Variants in NHSL1 observed in about 807,000 individuals in gnomAD.
NHSL1 encodes the protein NHS-like protein 1.
NHSL1 carries 48 observed loss-of-function variants against 95.0 expected under a neutral mutation model. The observed-to-expected ratio is 0.51, with a 90% confidence interval of 0.40 to 0.64. NHSL1 has a LOEUF of 0.64. NHSL1 is among the 30% of genes least tolerant of loss of function. NHSL1 has a pLI of 0.00. For synonymous variants in NHSL1, 783 were observed against 833.9 expected (o/e 0.94, Z 1.05); for missense variants, 1,971 against 2,077.7 (o/e 0.95, Z 1.00).
At position 138,431,324 on chromosome 6, in the gene NHSL1, G is replaced by A. The variant is rs1450717416; in HGVS notation, c.3021C>T (p.Ser1007=). 9 of 1,518,410 alleles carry A rather than the reference G, an allele frequency of 5.9e-6. No individual in the cohort carries two copies. The highest frequency in any genetic ancestry group is 8.0e-6 in the Non-Finnish European group (9 of 1,129,928). The allele number at this position is 1,518,410 out of a possible 1,614,324, so 94.1% of individuals were successfully genotyped here. A position where few individuals can be genotyped will look rare whatever the true frequency, so the allele number is the denominator to read the frequency against. The change falls in exon 6 of 8, where the codon TCC becomes TCT. Residue 1007 remains serine, a synonymous_variant. Coordinates refer to ENST00000343505, the MANE Select transcript of NHSL1 (RefSeq NM_001144060.2). The surrounding 1 kb of genome is among the most constrained non-coding windows in gnomAD (Gnocchi z 4.0). ...GTAAGAGAGGTGGGGGCAATGGCAA[G>A]GACACAGGTGAATCTGGAAGAATGG... ...LSPILPDSPV[S]LPLPPPLLPS... is the part of the protein sequence containing the mutation.
At chr6:138,467,389 T>C (rs934174558) in intron 3 of NHSL1, among the ~76,000 whole-genome samples, 2 of 152,196 alleles carry the variant, frequency 1.3e-5, no homozygotes, top group Non-Finnish European at 2.9e-5. Context: ...CCTGACCTCA[T>C]GATCCGCCCG....
chr6:138,630,632 G>A (rs114765917), intron 1 of NHSL1, among the ~76,000 whole-genome samples: 3,624 of 152,242 alleles, frequency 0.024, 146 homozygotes, highest in African/African-American at 0.082. Context: ...TGATCGGCCC[G>A]TGTTGGCCTC....
chr6:138,597,242 A>T (rs1043120379), intron 1 of NHSL1, among the ~76,000 whole-genome samples: 2 of 152,232 alleles, frequency 1.3e-5, no homozygotes, highest in Non-Finnish European at 2.9e-5. Context: ...ATGAAGCATC[A>T]ATCCATAAAA....
intron 1 of NHSL1, among the ~76,000 whole-genome samples, chr6:138,625,084 GAT>G (rs932355749): frequency 1.3e-5 from 2 of 152,152 alleles, no homozygotes; most frequent in Admixed American, 1.3e-4. Flanking sequence ...AATTTACAAA[GAT>G]ATAATTAATT....
In NHSL1 at chr6:138,432,507, G is replaced by A; in HGVS notation, c.1838C>T (p.Thr613Ile). 6.4e-7 allele frequency: 1 copy of A among 1,551,818 alleles called. No individual in the cohort carries two copies. Among genetic ancestry groups the A allele is most frequent in the African/African-American group, 1.4e-5 (1 of 73,146 alleles). Residue 613 changes from threonine (T) to isoleucine (I), a missense_variant, in exon 6 of 8, where the codon ACT becomes ATT. Thr to Ile is a moderately conservative substitution (Grantham distance 89, BLOSUM62 -1). Around this residue, in one of 3 missense-constraint regions of NHSL1, gnomAD observed 1,602 missense variants for 1,654.5 expected, o/e 0.97. Transcript: ENST00000343505. This position sits in a 1 kb window ranked among gnomAD's most constrained non-coding sequence, Gnocchi z 4.4. The stretch of plus-strand genomic sequence containing the variant: ...ATTCCCAGATCCATGTCCAGAGTCA[G>A]TGTGCACAGATGCACAGTAGCCATC... ...DHDGYCASVHTDSGHGSGNLC... is the reference protein window; with the variant it reads ...DHDGYCASVHIDSGHGSGNLC...
At chr6:138,489,985 G>GGAGAGGGGGAGAGGGGGA (rs1562321883) in intron 2 of NHSL1, among the ~76,000 whole-genome samples, 8 of 96,594 alleles carry the variant, frequency 8.3e-5, no homozygotes, top group African/African-American at 3.4e-4. Context: ...GGGGAGAGGG[G>GGAGAGGGGGAGAGGGGGA]GAGAGAGAGA....
intron 1 of NHSL1, among the ~76,000 whole-genome samples, chr6:138,666,230 G>A (rs1481219080): frequency 6.6e-6 from 1 of 152,178 alleles, no homozygotes; most frequent in Non-Finnish European, 1.5e-5. Context: ...TTCAACCCCA[G>A]AGGTGGAGGT....
intron 1 of NHSL1, among the ~76,000 whole-genome samples, chr6:138,689,786 C>CTT (rs61297336): frequency 1.6e-4 from 23 of 145,904 alleles, no homozygotes; most frequent in East Asian, 4.0e-4. Context: ...ATTTCCACAC[C>CTT]TTTTTTTTTT....
At chr6:138,551,587 A>C (rs1783005274) in intron 1 of NHSL1, among the ~76,000 whole-genome samples, 1 of 152,152 alleles carries the variant, frequency 6.6e-6, no homozygotes, top group Non-Finnish European at 1.5e-5. Context: ...TTCTAGTTTC[A>C]CCAGTATTCT....
chr6:138,670,238 G>A (rs530175583), intron 1 of NHSL1, among the ~76,000 whole-genome samples: 19 of 152,088 alleles, frequency 1.2e-4, no homozygotes, highest in Admixed American at 1.2e-3. Context: ...GACCTTCCAA[G>A]CAGCCTTTGA....
chr6:138,692,055 AAAACTGTAACTACTATATGCCC>A lies in NHSL1; in HGVS notation c.96+399_96+420del. 1 of 456,534 alleles carries A rather than the reference AAAACTGTAACTACTATATGCCC, an allele frequency of 2.2e-6. No individual in the cohort carries two copies. Among genetic ancestry groups the A allele is most frequent in the Non-Finnish European group, 4.4e-6 (1 of 226,948 alleles). 28.3% of individuals were successfully genotyped at this position (456,534 alleles called of 1,614,324 possible). On this transcript the variant is annotated intron_variant, in intron 1 of 3. Transcript: ENST00000491526. The surrounding 1 kb of genome is among the most constrained non-coding windows in gnomAD (Gnocchi z 4.0). Reference sequence around the variant, plus strand: ...ACAAACGGATCGTCCTGAAGTCTCCAAAACTGTAACTACTATATGCCCAAATTTATATTCTCCCCTGGCTTTT... The same window carrying A: ...ACAAACGGATCGTCCTGAAGTCTCCAAAATTTATATTCTCCCCTGGCTTTT...
intron 1 of NHSL1, among the ~76,000 whole-genome samples, chr6:138,582,912 G>T (rs1784082912): frequency 6.6e-6 from 1 of 152,140 alleles, no homozygotes; most frequent in Non-Finnish European, 1.5e-5. Context: ...CTTAACTACT[G>T]CTGCCTCCCA....
intron 1 of NHSL1, among the ~76,000 whole-genome samples, chr6:138,567,711 C>T (rs1014575627): frequency 6.6e-6 from 1 of 152,046 alleles, no homozygotes; most frequent in African/African-American, 2.4e-5. Flanking sequence ...TTATTCATTA[C>T]CCTTGATGCC....
At chr6:138,646,226 CTT>C (rs1401787406) in intron 1 of NHSL1, among the ~76,000 whole-genome samples, 1 of 152,182 alleles carries the variant, frequency 6.6e-6, no homozygotes. Context: ...ACATAAATCC[CTT>C]GTTATAGGTT....
intron 1 of NHSL1, among the ~76,000 whole-genome samples, 169 bp downstream of exon 1, chr6:138,499,064 A>G (rs1780522363): frequency 6.6e-6 from 1 of 152,054 alleles, no homozygotes; most frequent in Non-Finnish European, 1.5e-5. Context: ...AGTTTAACTC[A>G]TGCCTATTAC....
chr6:138,464,262 C>T, intron 3 of NHSL1: 1 of 806,822 alleles, frequency 1.2e-6, no homozygotes. Flanking sequence ...CTCCTCTCTG[C>T]CCACTTCCTG....
chr6:138,675,524 ATTAT>A (rs573613191), intron 1 of NHSL1, among the ~76,000 whole-genome samples: 13 of 151,850 alleles, frequency 8.6e-5, no homozygotes, highest in South Asian at 4.2e-4. Flanking sequence ...AAATTCTTAC[ATTAT>A]TTATTTATTT....
At chr6:138,511,248 C>T (rs1257438283) in intron 1 of NHSL1, among the ~76,000 whole-genome samples, 1 of 152,126 alleles carries the variant, frequency 6.6e-6, no homozygotes, top group Non-Finnish European at 1.5e-5. Context: ...CAGGCTTCCT[C>T]GTGTACCTAA....
intron 3 of NHSL1, among the ~76,000 whole-genome samples, chr6:138,452,840 CCAA>C (rs974237414): frequency 4.0e-5 from 6 of 151,358 alleles, no homozygotes; most frequent in Non-Finnish European, 7.4e-5. Flanking sequence ...TCTCCTGGCG[CCAA>C]CAACAACAGA....
Sources: gnomAD v4.1 joint callset for allele counts (sites outside exome capture counted in the v4.1 genomes callset) on GRCh38, gnomAD v4.1.1 for gene constraint, gnomAD v4.1.1 regional missense constraint, Gnocchi (gnomAD v3.1) non-coding constraint, MANE v1.5 for transcripts, NCBI Gene and HGNC (gene_info 2026-07-23, HGNC 2026-07-21) for gene names.